Variants in FRAS1 observed in about 807,000 individuals in gnomAD.
FRAS1 encodes the protein Fraser extracellular matrix complex subunit 1.
A neutral mutation model predicts 435.2 loss-of-function variants in FRAS1; 290 were observed. The observed-to-expected ratio is 0.67, with a 90% CI of 0.61 to 0.73. The LOEUF is 0.73. Among genes scored for constraint, FRAS1 ranks in the 30% least tolerant of loss-of-function variants. The probability of loss-of-function intolerance (pLI) is 0.00; values close to 1 mark genes in which losing one functional copy is unlikely to be tolerated. For synonymous variants in FRAS1, 1,800 were observed against 1,851.0 expected, an observed-to-expected ratio of 0.97 and a Z score of 0.71; for missense variants, 4,860 against 5,001.5, an observed-to-expected ratio of 0.97 and a Z score of 0.85.
At position 78,066,046 on chromosome 4, in the gene FRAS1, G is replaced by A. The variant is rs769600873; in HGVS notation, c.108+30G>A. The stretch of plus-strand genomic sequence containing the variant: ...GTCATTCTTTACATACTTGGTTTCT[G>A]TCATTTGAATGTAAAATGCTTGATT... On this transcript the variant is annotated intron_variant, in intron 2 of 73. Transcript: ENST00000512123. 2.6e-6 allele frequency: 4 copies of A among 1,530,236 alleles called. No individual in the cohort carries two copies. In the African/African-American group the frequency reaches 5.5e-5, roughly 21 times the overall value. 94.8% of individuals were successfully genotyped at this position (1,530,236 alleles called of 1,614,324 possible). A position where few individuals can be genotyped will look rare whatever the true frequency, so the allele number is the denominator to read the frequency against.
chr4:78,412,890 A>C (rs1195716657), intron 31 of FRAS1, 79 bp from the exon 32 acceptor site: 1 of 704,244 alleles, frequency 1.4e-6, no homozygotes, highest in Non-Finnish European at 2.3e-6. Context: ...CAGCTGGCTT[A>C]AAAGAGGGAA....
intron 6 of FRAS1, among the ~76,000 whole-genome samples, chr4:78,257,359 C>G (rs1725842753): frequency 6.6e-6 from 1 of 152,032 alleles, no homozygotes; most frequent in Non-Finnish European, 1.5e-5. Flanking sequence ...TACTTTTGCA[C>G]CTGCCTAATA....
Position 78,372,701 on chromosome 4 carries a change from G to C in FRAS1, c.2870-17G>C, listed in dbSNP as rs1450338608. 7.4e-6 allele frequency: 12 copies of C among 1,611,556 alleles called. No homozygotes were observed. The South Asian group carries it at 7.7e-5, about 10-fold the overall frequency. ...TGGACAGAAAGGAAGATAATCTAAT[G>C]CAGACTTTCTTTTTAGAGTGTGATT... On this transcript the variant is annotated splice_polypyrimidine_tract_variant and intron_variant, in intron 23 of 73. Transcript: ENST00000512123.
At chr4:78,063,228 A>C (rs1037521551) in intron 1 of FRAS1, among the ~76,000 whole-genome samples, 13 of 152,204 alleles carry the variant, frequency 8.5e-5, no homozygotes, top group Admixed American at 7.2e-4. Context: ...AGCTACACCC[A>C]GTACCCATGT....
chr4:78,462,076 G>T (rs912599079), intron 47 of FRAS1, among the ~76,000 whole-genome samples: 1 of 151,878 alleles, frequency 6.6e-6, no homozygotes, highest in Non-Finnish European at 1.5e-5. Flanking sequence ...TTATGAAATT[G>T]CACACTTTAC....
intron 18 of FRAS1, among the ~76,000 whole-genome samples, chr4:78,331,757 T>G (rs906027275): frequency 6.6e-6 from 1 of 152,232 alleles, no homozygotes; most frequent in African/African-American, 2.4e-5. Flanking sequence ...TTTGTCTTAC[T>G]CATTATTGTA....
intron 2 of FRAS1, among the ~76,000 whole-genome samples, chr4:78,235,091 T>G (rs978366680): frequency 6.6e-6 from 1 of 152,184 alleles, no homozygotes; most frequent in African/African-American, 2.4e-5. Flanking sequence ...GAATTCCCTT[T>G]TTTTCCAGGA....
intron 2 of FRAS1, among the ~76,000 whole-genome samples, chr4:78,174,914 C>T (rs1464427284): frequency 6.6e-6 from 1 of 152,174 alleles, no homozygotes; most frequent in Non-Finnish European, 1.5e-5. Context: ...TTTCTTCTAG[C>T]AGCATCAGAA....
At chr4:78,506,719 C>T (rs1351205250) in intron 61 of FRAS1, among the ~76,000 whole-genome samples, 7 of 149,950 alleles carry the variant, frequency 4.7e-5, no homozygotes, top group South Asian at 4.3e-4. Flanking sequence ...GGTGAGGCGA[C>T]GCCCCTCCCT....
chr4:78,266,199 C>T (rs894165735), intron 7 of FRAS1, among the ~76,000 whole-genome samples: 1 of 152,198 alleles, frequency 6.6e-6, no homozygotes, highest in South Asian at 2.1e-4. Context: ...AGGATCTAAG[C>T]TCTTTTGATC....
At chr4:78,451,150 C>A (rs1719009559) in intron 45 of FRAS1, among the ~76,000 whole-genome samples, 1 of 152,134 alleles carries the variant, frequency 6.6e-6, no homozygotes, top group South Asian at 2.1e-4. Flanking sequence ...GACCAGCCCC[C>A]TCTTCCCAGA....
In FRAS1 at chr4:78,372,367, G is replaced by A. The variant is rs181699305; in HGVS notation, c.2870-351G>A. On this transcript the variant is annotated intron_variant, in intron 23 of 73. Coordinates refer to ENST00000512123, the MANE Select transcript of FRAS1 (RefSeq NM_025074.7). ...AGTCAGGGTTAGGTTTGTGGGGCAA[G>A]TTGGCCACTCCCTGCGGCAGGTTTT... Among the ~76,000 whole-genome samples, 558 of 152,292 alleles carry A rather than the reference G, an allele frequency of 3.7e-3. 4 individuals carry two copies. The highest frequency in any genetic ancestry group is 0.013 in the African/African-American group (541 of 41,560).
chr4:78,187,765 G>A (rs1284568540), intron 2 of FRAS1, among the ~76,000 whole-genome samples: 6 of 151,934 alleles, frequency 3.9e-5, no homozygotes, highest in African/African-American at 1.2e-4. Flanking sequence ...TATCACACCC[G>A]GCTAATTTTT....
At chr4:78,118,735 G>A (rs1718821500) in intron 2 of FRAS1, among the ~76,000 whole-genome samples, 1 of 152,164 alleles carries the variant, frequency 6.6e-6, no homozygotes, top group South Asian at 2.1e-4. Context: ...TCTTTGACTA[G>A]GAAAGGGAAT....
At chr4:78,237,740 T>G (rs1182153186) in intron 3 of FRAS1, 123 bp downstream of exon 3, 2 of 473,620 alleles carry the variant, frequency 4.2e-6, no homozygotes, top group Non-Finnish European at 7.4e-6. Context: ...CTTAATGAAA[T>G]GCAGAAGAGA....
At chr4:78,474,915 A>G (rs1331410473) in intron 53 of FRAS1, among the ~76,000 whole-genome samples, 2 of 152,124 alleles carry the variant, frequency 1.3e-5, no homozygotes, top group African/African-American at 4.8e-5. Context: ...CCCCATTGTC[A>G]TAAAGTTCTA....
chr4:78,416,459 G>A (rs1037333535), intron 32 of FRAS1, among the ~76,000 whole-genome samples: 2 of 151,856 alleles, frequency 1.3e-5, no homozygotes, highest in African/African-American at 4.8e-5. Context: ...AAAAAAGAGG[G>A]ATACATTAAG....
intron 4 of FRAS1, among the ~76,000 whole-genome samples, chr4:78,248,034 C>T (rs1725330850): frequency 6.6e-6 from 1 of 152,182 alleles, no homozygotes; most frequent in Non-Finnish European, 1.5e-5. Context: ...ACAGCGGAGC[C>T]TTGGGGGAGG....
intron 18 of FRAS1, among the ~76,000 whole-genome samples, chr4:78,320,009 G>A (rs910529166): frequency 1.3e-5 from 2 of 152,238 alleles, no homozygotes; most frequent in African/African-American, 4.8e-5. Context: ...AGATGGTTAA[G>A]AGTGTCAAAG....
Sources: allele counts gnomAD v4.1 joint callset (sites outside exome capture counted in the v4.1 genomes callset), GRCh38; gene constraint gnomAD v4.1.1; transcripts MANE v1.5; gene names NCBI Gene and HGNC (gene_info 2026-07-23, HGNC 2026-07-21).